The following LECT2 variants were observed in gnomAD, a reference collection of about 807,000 sequenced individuals.
The protein encoded by LECT2 is leukocyte cell-derived chemotaxin-2.
Under a neutral mutation model 16.6 loss-of-function variants are expected in LECT2, and 11 were observed. The ratio of observed to expected loss-of-function variants is 0.66; its 90% CI spans 0.42 to 1.09. LECT2 has a LOEUF of 1.09. Among genes scored for constraint, LECT2 ranks in the 50% least tolerant of loss-of-function variants. The pLI, the probability that LECT2 is intolerant of heterozygous loss-of-function variation, is 0.00. For missense variants in LECT2, 173 were observed against 184.2 expected (o/e 0.94, Z 0.35); for synonymous variants, 54 against 64.8 (o/e 0.83, Z 0.80).
At position 135,947,501 on chromosome 5, in the gene LECT2, A is replaced by G. The variant is rs1004587602; in HGVS notation, c.290-4T>C. On this transcript the variant is annotated splice_region_variant and splice_polypyrimidine_tract_variant and intron_variant, in intron 3 of 3. Coordinates refer to ENST00000274507, the MANE Select transcript of LECT2 (RefSeq NM_002302.3). ...TAGAACATTTTGACACAAAAACCTAAAAGAAAATAAGTATAATTATTTATC... is the reference window on the plus strand; with the variant it reads ...TAGAACATTTTGACACAAAAACCTAGAAGAAAATAAGTATAATTATTTATC... 2 of 1,596,388 alleles carry G rather than the reference A, an allele frequency of 1.3e-6. No individual in the cohort carries two copies. The highest frequency in any genetic ancestry group is 1.7e-6 in the Non-Finnish European group (2 of 1,170,170).
Position 135,952,366 on chromosome 5 carries a change from T to G in LECT2, c.143+505A>C, listed in dbSNP as rs1413417886. 3.9e-5 allele frequency among the ~76,000 whole-genome samples: 6 copies of G among 152,256 alleles called. No homozygotes were observed. In the South Asian group the frequency reaches 8.3e-4, roughly 21 times the overall value. On this transcript the variant is annotated intron_variant, in intron 2 of 3. Coordinates refer to ENST00000274507, the MANE Select transcript of LECT2 (RefSeq NM_002302.3). ...TGTGACCCTCATTTTCTGGAAGAGA[T>G]AGTGGTGCTTTCTCTCCTGCTTAGG...
chr5:135,947,592 ATG>A, intron 3 of LECT2, 95 bp from the exon 4 acceptor site: 1 of 1,299,830 alleles, frequency 7.7e-7, no homozygotes, highest in Non-Finnish European at 1.0e-6. Context: ...AAAAAAAAGA[ATG>A]TTGAATGAAC....
chr5:135,948,834 C>G (rs201889219), intron 3 of LECT2, among the ~76,000 whole-genome samples: 1 of 151,970 alleles, frequency 6.6e-6, no homozygotes, highest in Admixed American at 6.6e-5. Flanking sequence ...GCCACCACAT[C>G]TGGCTAATTT....
At chr5:135,950,940 A>G (rs750669410) in intron 3 of LECT2, 8 of 454,516 alleles carry the variant, frequency 1.8e-5, no homozygotes, top group East Asian at 3.3e-5. Flanking sequence ...AAAAATATCT[A>G]TCGGGTACTA....
At chr5:135,949,601 A>G (rs1392627224) in intron 3 of LECT2, among the ~76,000 whole-genome samples, 1 of 152,216 alleles carries the variant, frequency 6.6e-6, no homozygotes, top group Non-Finnish European at 1.5e-5. Flanking sequence ...ATCCTGCTAA[A>G]CCGTTGCAGG....
At position 135,954,808 on chromosome 5, in the gene LECT2, A is replaced by G; in HGVS notation, c.26T>C (p.Leu9Ser). 6.2e-7 allele frequency: 1 copy of G among 1,613,460 alleles called. No individual in the cohort carries two copies. The highest frequency in any genetic ancestry group is 1.7e-5 in the Admixed American group (1 of 60,022). MFSTKALL[L>S]AGLISTALAG... is the part of the protein sequence containing the mutation. ...CTTACCGGTAGAAATCAGACCAGCC[A>G]AAAGGAGGGCTTTGGTGGAAAACAT... The change falls in exon 1 of 4, where the codon TTG (leucine) becomes TCG (serine). Residue 9 changes from leucine to serine, a missense_variant. Transcript: ENST00000274507.
intron 2 of LECT2, 64 bp from the exon 3 acceptor site, chr5:135,951,432 A>T: frequency 5.4e-6 from 8 of 1,472,810 alleles, no homozygotes; most frequent in Non-Finnish European, 7.5e-6. Flanking sequence ...CTGCCTGGGA[A>T]CATGGTGTTA....
intron 1 of LECT2, 93 bp from the exon 2 acceptor site, chr5:135,953,060 C>A: frequency 2.6e-6 from 2 of 768,818 alleles, no homozygotes; most frequent in Non-Finnish European, 2.3e-6. Context: ...CCTGACAATT[C>A]TGTTTTCACT....
chr5:135,950,908 C>A, intron 3 of LECT2: 1 of 389,460 alleles, frequency 2.6e-6, no homozygotes, highest in Non-Finnish European at 4.5e-6. Flanking sequence ...TTGAAAGTGC[C>A]TCAGCTGGGA....
At position 135,947,141 on chromosome 5, in the gene LECT2, A is replaced by C. The variant is rs1050320806; in HGVS notation, c.*190T>G. On this transcript the variant is annotated 3_prime_UTR_variant, in exon 4 of 4. Transcript: ENST00000274507. ...AAAATTTTTGTGGGTACATAGGTGT[A>C]TTTGTTTATGAGGTACGTGAGATGT... 4.1e-6 allele frequency: 2 copies of C among 487,868 alleles called. No individual in the cohort carries two copies. The highest frequency in any genetic ancestry group is 3.6e-6 in the Non-Finnish European group (1 of 280,298). 30.2% of individuals were successfully genotyped at this position (487,868 alleles called of 1,614,324 possible).
At chr5:135,950,625 G>A (rs980036835) in intron 3 of LECT2, among the ~76,000 whole-genome samples, 35 of 152,188 alleles carry the variant, frequency 2.3e-4, no homozygotes, top group Admixed American at 1.6e-3. Flanking sequence ...CCAATACCTG[G>A]AGTACCAGGA....
rs1580671872 is a variant in LECT2, at chr5:135,947,609, G to A, written c.290-112C>T. On this transcript the variant is annotated intron_variant, in intron 3 of 3. Transcript: ENST00000274507. ...AAAAAAGAATGTTGAATGAACTCAG[G>A]AGAGGAATAGATGAAAATGACAAAA... is the stretch of plus-strand genomic sequence containing the variant. The A allele has an allele frequency of 1.3e-5, 15 of 1,168,100 alleles. No individual in the cohort carries two copies. The East Asian group carries it at 3.9e-4, about 31-fold the overall frequency. The allele number at this position is 1,168,100 out of a possible 1,614,324, so 72.4% of individuals were successfully genotyped here. A position where few individuals can be genotyped will look rare whatever the true frequency, so the allele number is the denominator to read the frequency against.
chr5:135,949,104 C>A (rs180954176), intron 3 of LECT2, among the ~76,000 whole-genome samples: 1 of 152,196 alleles, frequency 6.6e-6, no homozygotes, highest in Non-Finnish European at 1.5e-5. Flanking sequence ...GACCTCTACA[C>A]TGAAAACTAC....
At chr5:135,952,586 GA>G (rs1161984870) in intron 2 of LECT2, among the ~76,000 whole-genome samples, 1 of 151,992 alleles carries the variant, frequency 6.6e-6, no homozygotes, top group African/African-American at 2.4e-5. Flanking sequence ...TAACCCTTTG[GA>G]AAAAAACAGT....
At chr5:135,953,542 T>C (rs113306730) in intron 1 of LECT2, among the ~76,000 whole-genome samples, 1 of 152,192 alleles carries the variant, frequency 6.6e-6, no homozygotes, top group African/African-American at 2.4e-5. Context: ...CATTATACTT[T>C]GCTTCAGATC....
rs560184070 is a variant in LECT2 at position 135,951,310 on chromosome 5, C to A, written c.202G>T (p.Ala68Ser). Residue 68 changes from alanine (A) to serine (S), a missense_variant, in exon 3 of 4, where the codon GCA (alanine) becomes TCA (serine). Ala to Ser is a moderately conservative substitution (Grantham distance 99, BLOSUM62 1). Coordinates refer to ENST00000274507, the MANE Select transcript of LECT2 (RefSeq NM_002302.3). ...CCCACAATCATTCCAGTGAATGGTG[C>A]GTACACAGTAGATCCAGCAGAGCAC... Reference protein sequence around the residue: ...ILCSAGSTVYAPFTGMIVGQE... With the variant: ...ILCSAGSTVYSPFTGMIVGQE... 6.2e-7 allele frequency: 1 copy of A among 1,613,520 alleles called. No individual in the cohort carries two copies. Among genetic ancestry groups the A allele is most frequent in the Non-Finnish European group, 8.5e-7 (1 of 1,179,460 alleles).
intron 3 of LECT2, 75 bp from the exon 4 acceptor site, chr5:135,947,572 G>A: frequency 7.4e-6 from 10 of 1,356,410 alleles, no homozygotes; most frequent in Admixed American, 2.8e-5. Flanking sequence ...ATAACAAATG[G>A]ACAAAAAATA....
At chr5:135,951,764 CAT>C (rs1462186643) in intron 2 of LECT2, among the ~76,000 whole-genome samples, 3 of 152,276 alleles carry the variant, frequency 2.0e-5, no homozygotes, top group African/African-American at 7.2e-5. Context: ...AAAAGTATCA[CAT>C]GTTACCCTAG....
chr5:135,954,627 C>T (rs1763836559), intron 1 of LECT2, among the ~76,000 whole-genome samples, 161 bp downstream of exon 1: 1 of 152,196 alleles, frequency 6.6e-6, no homozygotes, highest in Non-Finnish European at 1.5e-5. Flanking sequence ...TTACTTAAAA[C>T]ATCCTCAGGA....
Sources: gnomAD v4.1 joint callset for allele counts (sites outside exome capture counted in the v4.1 genomes callset) on GRCh38, gnomAD v4.1.1 for gene constraint, MANE v1.5 for transcripts, NCBI Gene and HGNC (gene_info 2026-07-23, HGNC 2026-07-21) for gene names.